Variants in SMARCA4 observed in about 807,000 individuals in gnomAD.
SMARCA4 encodes the protein SWI/SNF-related matrix-associated actin-dependent regulator of chromatin subfamily A member 4.
SMARCA4 carries 31 observed loss-of-function variants against 193.9 expected under a neutral mutation model. The observed-to-expected ratio is 0.16, with a 90% CI of 0.12 to 0.22. SMARCA4 has a LOEUF of 0.22. SMARCA4 is among the 10% of genes least tolerant of loss of function. The pLI is 1.00. For missense variants in SMARCA4, 1,148 were observed against 2,296.0 expected, an observed-to-expected ratio of 0.50 and a Z score of 10.22; for synonymous variants, 942 against 933.1, an observed-to-expected ratio of 1.01 and a Z score of -0.17.
chr19:11,008,210 A>C, intron 14 of SMARCA4, 187 bp downstream of exon 14: 1 of 609,562 alleles, frequency 1.6e-6, no homozygotes, highest in Non-Finnish European at 3.0e-6. Context: ...TAATAGAGCA[A>C]TTGCATTCGC....
At chr19:11,048,309 G>T (rs1172025501) in intron 30 of SMARCA4, among the ~76,000 whole-genome samples, 1 of 152,004 alleles carries the variant, frequency 6.6e-6, no homozygotes, top group Non-Finnish European at 1.5e-5. Context: ...TCGGCTCCCT[G>T]CAACCTCCAC....
At chr19:11,021,308 T>G in intron 18 of SMARCA4, 2 of 352,158 alleles carry the variant, frequency 5.7e-6, no homozygotes, top group Non-Finnish European at 5.6e-6. Flanking sequence ...AGGCTGCTCA[T>G]TAGAAATGTA....
At position 10,964,759 on chromosome 19, in the gene SMARCA4, G is replaced by A. The variant is rs571940704; in HGVS notation, c.-32+3585G>A. On this transcript the variant is annotated intron_variant, in intron 1 of 34. Transcript: ENST00000344626. The stretch of plus-strand genomic sequence containing the variant: ...CAGCCTCTGGAGTGGATGGGACTAA[G>A]GACGTGCACCACCATGCCCAGCTAA... Among the ~76,000 whole-genome samples the A allele has an allele frequency of 1.8e-3, 276 of 152,114 alleles. 1 individual carries two copies. The highest frequency in any genetic ancestry group is 6.8e-3 in the Middle Eastern group (2 of 294).
intron 9 of SMARCA4, 69 bp from the exon 10 acceptor site, chr19:10,996,144 A>G (rs929014306): frequency 4.2e-5 from 65 of 1,548,956 alleles, no homozygotes; most frequent in Middle Eastern, 3.4e-4. Flanking sequence ...TTCTGGATTG[A>G]CTGGCCATGG....
intron 14 of SMARCA4, among the ~76,000 whole-genome samples, chr19:11,008,930 C>T (rs917569022): frequency 4.1e-5 from 6 of 145,986 alleles, no homozygotes; most frequent in East Asian, 4.1e-4. Flanking sequence ...GCTGAGATAG[C>T]GCCACTGCAC....
intron 33 of SMARCA4, 54 bp from the exon 34 acceptor site, chr19:11,059,991 G>T (rs2147121107): frequency 6.2e-7 from 1 of 1,608,904 alleles, no homozygotes; most frequent in East Asian, 2.2e-5. Context: ...CCTTGCTGTG[G>T]GGGTGCTGCA....
At position 11,030,743 on chromosome 19, in the gene SMARCA4, G is replaced by A. The variant is rs1060504446; in HGVS notation, c.3396G>A (p.Ala1132=). The stretch of plus-strand genomic sequence containing the variant: ...TGTGCCCGTCAGGAACCACGAAGGC[G>A]GAGGACCGGGGCATGCTGCTGAAAA... The part of the protein sequence containing the change: ...KYLRLDGTTK[A]EDRGMLLKTF... The change falls in exon 25 of 35, where the codon GCG becomes GCA. Residue 1132 remains alanine (A), a synonymous_variant. Transcript: ENST00000344626. The surrounding 1 kb of genome is among the most constrained non-coding windows in gnomAD (Gnocchi z 5.5). 3.1e-6 allele frequency: 5 copies of A among 1,611,588 alleles called. No homozygotes were observed. The highest frequency in any genetic ancestry group is 3.3e-5 in the Admixed American group (2 of 59,820).
chr19:11,040,347 A>G (rs971727841), intron 29 of SMARCA4: 1 of 152,128 alleles, frequency 6.6e-6, no homozygotes, highest in African/African-American at 2.4e-5. Context: ...TAATCCCAGC[A>G]CTTTGGGAGG....
At position 11,019,849 on chromosome 19, in the gene SMARCA4, G is replaced by GCCTA. The variant is rs2089703335; in HGVS notation, c.2616+149_2616+152dup. ...GACAGCTGCCCTGTGTAGGGGAAAG[G>GCCTA]CCTAGGTGGGGGCGACCTCAGGTTT... On this transcript the variant is annotated intron_variant, in intron 18 of 34. Transcript: ENST00000344626. This position sits in a 1 kb window ranked among gnomAD's most constrained non-coding sequence, Gnocchi z 6.1. 1.4e-6 allele frequency: 1 copy of GCCTA among 693,052 alleles called. No homozygotes were observed. The allele number at this position is 693,052 out of a possible 1,614,324, so 42.9% of individuals were successfully genotyped here.
intron 29 of SMARCA4, among the ~76,000 whole-genome samples, chr19:11,038,824 C>T (rs952782835): frequency 1.3e-5 from 2 of 152,198 alleles, no homozygotes; most frequent in Admixed American, 6.5e-5. Context: ...TGGGGATTCT[C>T]TTAATATTGT....
At chr19:10,998,978 C>T (rs542999278) in intron 11 of SMARCA4, among the ~76,000 whole-genome samples, 12 of 151,988 alleles carry the variant, frequency 7.9e-5, no homozygotes, top group South Asian at 4.2e-4. Context: ...TCATGGCTCC[C>T]TGTAGTCTCA....
At chr19:11,013,889 C>T (rs2089103372) in intron 16 of SMARCA4, among the ~76,000 whole-genome samples, 1 of 152,114 alleles carries the variant, frequency 6.6e-6, no homozygotes, top group Non-Finnish European at 1.5e-5. Context: ...GCTCCACCGG[C>T]CTTTTTCTCC....
rs1362413207 is a variant in SMARCA4, at chr19:10,989,302, T to C, written c.1119-15T>C. 1 of 1,613,726 alleles carries C rather than the reference T, an allele frequency of 6.2e-7. No individual in the cohort carries two copies. Among genetic ancestry groups the C allele is most frequent in the Non-Finnish European group, 8.5e-7 (1 of 1,179,804 alleles). The stretch of plus-strand genomic sequence containing the variant: ...CAACCCTCTCACCGCCTTTGCTCCT[T>C]GTCTCTGCTCCCAGGCTGCAGGCTC... On this transcript the variant is annotated splice_polypyrimidine_tract_variant and intron_variant, in intron 6 of 34. Coordinates refer to ENST00000344626, the MANE Select transcript of SMARCA4 (RefSeq NM_003072.5).
In SMARCA4 at chr19:11,061,911, G is replaced by C. The variant is rs934774537; in HGVS notation, c.*95G>C. The C allele has an allele frequency of 4.7e-5, 54 of 1,153,638 alleles. No individual in the cohort carries two copies. The highest frequency in any genetic ancestry group is 7.0e-5 in the Non-Finnish European group (53 of 761,218). The allele number at this position is 1,153,638 out of a possible 1,614,324, so 71.5% of individuals were successfully genotyped here. A position where few individuals can be genotyped will look rare whatever the true frequency, so the allele number is the denominator to read the frequency against. ...ACGGGTAGCAGCAGATGTAGTTTCA[G>C]ACTTGGAGTAAAACTGTATAAACAA... is the stretch of plus-strand genomic sequence containing the variant. On this transcript the variant is annotated 3_prime_UTR_variant, in exon 35 of 35. Transcript: ENST00000344626.
chr19:11,061,852 T>G lies in SMARCA4; in HGVS notation c.*36T>G. On this transcript the variant is annotated 3_prime_UTR_variant, in exon 35 of 35. Transcript: ENST00000344626. Reference sequence around the variant, plus strand: ...TCCAGTCTCGACCCCGAGCCCCTCGTTCCAGAGCTGAGATGGCATAGGCCT... The same window carrying G: ...TCCAGTCTCGACCCCGAGCCCCTCGGTCCAGAGCTGAGATGGCATAGGCCT... 1.2e-6 allele frequency: 2 copies of G among 1,608,678 alleles called. No individual in the cohort carries two copies. The highest frequency in any genetic ancestry group is 1.7e-6 in the Non-Finnish European group (2 of 1,175,146).
chr19:10,986,429 A>C lies in SMARCA4; in HGVS notation c.596A>C (p.His199Pro), dbSNP rs1241110009. The change falls in exon 4 of 35, where the codon CAC (histidine) becomes CCC (proline). Residue 199 changes from histidine (H) to proline (P), a missense_variant. Coordinates refer to ENST00000344626, the MANE Select transcript of SMARCA4 (RefSeq NM_003072.5). This position sits in a 1 kb window ranked among gnomAD's most constrained non-coding sequence, Gnocchi z 6.7. ...MLARGQPLPDHLQMAVQGKRP... is the reference protein window; with the variant it reads ...MLARGQPLPDPLQMAVQGKRP... ...GCCAGGGGGCAGCCCCTCCCCGACC[A>C]CCTGCAGATGGCGGTGCAGGGCAAG... 6.4e-7 allele frequency: 1 copy of C among 1,573,216 alleles called. No individual in the cohort carries two copies. The highest frequency in any genetic ancestry group is 2.3e-5 in the East Asian group (1 of 42,732).
chr19:10,991,956 A>G (rs1227082143), intron 8 of SMARCA4, among the ~76,000 whole-genome samples: 1 of 152,218 alleles, frequency 6.6e-6, no homozygotes, highest in African/African-American at 2.4e-5. Context: ...AAGATGAATC[A>G]GTAAGACGGA....
chr19:11,051,484 A>G (rs1002652825), intron 30 of SMARCA4, among the ~76,000 whole-genome samples: 3 of 145,452 alleles, frequency 2.1e-5, no homozygotes, highest in South Asian at 2.1e-4. Context: ...CAGTGGGGAC[A>G]TATTTCCTTT....
At chr19:10,981,113 C>T (rs1767740034) in intron 1 of SMARCA4, among the ~76,000 whole-genome samples, 1 of 152,194 alleles carries the variant, frequency 6.6e-6, no homozygotes, top group African/African-American at 2.4e-5. Flanking sequence ...GCTATAGGTC[C>T]CTGAATATCA....
Sources: gnomAD v4.1 joint callset for allele counts (sites outside exome capture counted in the v4.1 genomes callset) on GRCh38, gnomAD v4.1.1 for gene constraint, Gnocchi (gnomAD v3.1) non-coding constraint, MANE v1.5 for transcripts, NCBI Gene and HGNC (gene_info 2026-07-23, HGNC 2026-07-21) for gene names.